SLC19A1: variants seen among roughly 807,000 people sequenced by gnomAD.
SLC19A1 encodes reduced folate transporter.
In SLC19A1, 37 loss-of-function variants were observed where a neutral mutation model predicts 35.3. That is an observed-to-expected ratio of 1.05 (90% CI 0.81 to 1.38). The LOEUF is 1.38. SLC19A1 is among the 40% of genes most tolerant of loss of function. The pLI, the probability that SLC19A1 is intolerant of heterozygous loss-of-function variation, is 0.00. For synonymous variants in SLC19A1, 460 were observed against 398.5 expected (o/e 1.15, Z -1.84); for missense variants, 831 against 826.9 (o/e 1.00, Z -0.06).
In SLC19A1 at chr21:45,534,600, G is replaced by A; in HGVS notation, c.190-2452C>T. The stretch of plus-strand genomic sequence containing the variant: ...CCAGGAGCTGGCTCTGCAGGCTGGG[G>A]CCTCATCAGGCACCTCCTGGTCTTA... On this transcript the variant is annotated intron_variant, in intron 2 of 5. Coordinates refer to ENST00000311124, the MANE Select transcript of SLC19A1 (RefSeq NM_194255.4). The surrounding 1 kb of genome is among the most constrained non-coding windows in gnomAD (Gnocchi z 4.2). The A allele has an allele frequency of 1.3e-6, 2 of 1,535,644 alleles. No homozygotes were observed. The highest frequency in any genetic ancestry group is 1.7e-6 in the Non-Finnish European group (2 of 1,146,832).
upstream of SLC19A1, among the ~76,000 whole-genome samples, chr21:45,549,326 G>T (rs1421104748): frequency 1.3e-5 from 2 of 152,126 alleles, no homozygotes; most frequent in Non-Finnish European, 2.9e-5. Context: ...GGTGCCTGTG[G>T]TGGAGGCTCG....
rs897577753 is a variant in SLC19A1 at position 45,517,212 on chromosome 21, A to G, written c.1294-1072T>C. ...GGCAGCAGGCTGGAAAAGACAACAGATGCAGAAAAAAGAGCCCATGGAAGC... is the reference window on the plus strand; with the variant it reads ...GGCAGCAGGCTGGAAAAGACAACAGGTGCAGAAAAAAGAGCCCATGGAAGC... On this transcript the variant is annotated intron_variant, in intron 5 of 5. Coordinates refer to ENST00000311124, the MANE Select transcript of SLC19A1 (RefSeq NM_194255.4). The surrounding 1 kb of genome is among the most constrained non-coding windows in gnomAD (Gnocchi z 4.4). 7.2e-5 allele frequency among the ~76,000 whole-genome samples: 11 copies of G among 152,216 alleles called. No homozygotes were observed. The highest frequency in any genetic ancestry group is 1.6e-4 in the Non-Finnish European group (11 of 68,030).
chr21:45,550,629 G>A (rs184339617), intron 1 of SLC19A1, among the ~76,000 whole-genome samples: 1 of 152,242 alleles, frequency 6.6e-6, no homozygotes, highest in African/African-American at 2.4e-5. Context: ...GCCCCGCCGG[G>A]AGGCTTGGCC....
rs554994460 is a variant in SLC19A1, at chr21:45,561,697, G to C, written c.-50+1045C>G. Among the ~76,000 whole-genome samples, 15 of 151,304 alleles carry C rather than the reference G, an allele frequency of 9.9e-5. No individual in the cohort carries two copies. The South Asian group carries it at 2.9e-3, about 30-fold the overall frequency. On this transcript the variant is annotated intron_variant, in intron 1 of 5. Coordinates refer to the SLC19A1 transcript ENST00000650808. ...AATTGCTTGAACCCAGGAGGCGGAG[G>C]TTGTAGTGAGCCAAGATCATGACAC...
At chr21:45,531,338 T>C (rs1397860688) in intron 3 of SLC19A1, 51 bp downstream of exon 3, 2 of 1,526,186 alleles carry the variant, frequency 1.3e-6, no homozygotes, top group African/African-American at 1.4e-5. Flanking sequence ...CAGGCGGAGG[T>C]GGACGGGAAG....
chr21:45,557,188 G>A (rs935680330), intron 1 of SLC19A1, among the ~76,000 whole-genome samples: 2 of 152,214 alleles, frequency 1.3e-5, no homozygotes, highest in African/African-American at 4.8e-5. Context: ...TGGGCCCTGG[G>A]GCTGCTGAAG....
In SLC19A1 at chr21:45,531,621, T is replaced by G. The variant is rs746798849; in HGVS notation, c.717A>C (p.Gly239=). Residue 239 remains glycine (G), a synonymous_variant, in exon 3 of 6, where the codon GGA becomes GGC. Transcript: ENST00000311124. ...CCCCACAGGCCACCCGCAGGGCGTGTCCCAGCTTCCCGCCTGGGCCAGGAT... is the reference window on the plus strand; with the variant it reads ...CCCCACAGGCCACCCGCAGGGCGTGGCCCAGCTTCCCGCCTGGGCCAGGAT... ...RMNPGPGGKL[G]HALRVACGDS... 3.1e-6 allele frequency: 5 copies of G among 1,612,160 alleles called. No individual in the cohort carries two copies. In the Admixed American group the frequency reaches 8.3e-5, roughly 27 times the overall value.
rs2078270141 is a variant in SLC19A1 at position 45,540,492 on chromosome 21, G to C, written c.-50+1876C>G. ...AGAACATTCCTTCCTTGGAGAGACAGCCAGAGTCTCCGCCAGCAAGGGGCT... is the reference window on the plus strand; with the variant it reads ...AGAACATTCCTTCCTTGGAGAGACACCCAGAGTCTCCGCCAGCAAGGGGCT... On this transcript the variant is annotated intron_variant, in intron 1 of 5. Coordinates refer to ENST00000311124, the MANE Select transcript of SLC19A1 (RefSeq NM_194255.4). This position sits in a 1 kb window ranked among gnomAD's most constrained non-coding sequence, Gnocchi z 5.5. Among the ~76,000 whole-genome samples, 1 of 152,196 alleles carries C rather than the reference G, an allele frequency of 6.6e-6. No individual in the cohort carries two copies. The highest frequency in any genetic ancestry group is 1.5e-5 in the Non-Finnish European group (1 of 68,030).
At position 45,530,148 on chromosome 21, in the gene SLC19A1, TTG is replaced by T. The variant is rs762451595; in HGVS notation, c.1151+620_1151+621del. 2.1e-5 allele frequency among the ~76,000 whole-genome samples: 3 copies of T among 146,056 alleles called. No individual in the cohort carries two copies. Among genetic ancestry groups the T allele is most frequent in the Non-Finnish European group, 4.5e-5 (3 of 66,192 alleles). On this transcript the variant is annotated intron_variant, in intron 4 of 5. Coordinates refer to ENST00000311124, the MANE Select transcript of SLC19A1 (RefSeq NM_194255.4). This position sits in a 1 kb window ranked among gnomAD's most constrained non-coding sequence, Gnocchi z 5.3. ...TGTGGTGTGTTCATGTGAGTGTGCA[TTG>T]TGTGTCCGTGTGTGTGTGGTGCGTC... is the stretch of plus-strand genomic sequence containing the variant.
rs1254738395 is a variant in SLC19A1 at position 45,514,974 on chromosome 21, G to C, written c.*684C>G. 2 of 1,497,058 alleles carry C rather than the reference G, an allele frequency of 1.3e-6. No homozygotes were observed. The highest frequency in any genetic ancestry group is 5.2e-5 in the East Asian group (2 of 38,562). 92.7% of individuals were successfully genotyped at this position (1,497,058 alleles called of 1,614,324 possible). A position where few individuals can be genotyped will look rare whatever the true frequency, so the allele number is the denominator to read the frequency against. On this transcript the variant is annotated 3_prime_UTR_variant, in exon 6 of 6. Coordinates refer to ENST00000311124, the MANE Select transcript of SLC19A1 (RefSeq NM_194255.4). ...GTGTGGGAGCAGCTGAGGACCCGCA[G>C]GTCAGGATGGACACACTTCAGAAGG...
Position 45,534,497 on chromosome 21 carries a change from T to C in SLC19A1, c.190-2349A>G. ...AGGCTCTCCCCAGACCCCACGGCTC[T>C]CTGGAAAAGGGCGGCCAGGGGTCCT... On this transcript the variant is annotated intron_variant, in intron 2 of 5. Transcript: ENST00000311124. The surrounding 1 kb of genome is among the most constrained non-coding windows in gnomAD (Gnocchi z 4.2). 1 of 1,464,680 alleles carries C rather than the reference T, an allele frequency of 6.8e-7. No homozygotes were observed. Among genetic ancestry groups the C allele is most frequent in the Non-Finnish European group, 9.2e-7 (1 of 1,082,220 alleles). 90.7% of individuals were successfully genotyped at this position (1,464,680 alleles called of 1,614,324 possible). A position where few individuals can be genotyped will look rare whatever the true frequency, so the allele number is the denominator to read the frequency against.
At position 45,534,701 on chromosome 21, in the gene SLC19A1, A is replaced by ACTACACCTCC; in HGVS notation, c.190-2554_190-2553insGGAGGTGTAG. The ACTACACCTCC allele has an allele frequency of 3.1e-6, 3 of 965,876 alleles. No individual in the cohort carries two copies. Among genetic ancestry groups the ACTACACCTCC allele is most frequent in the Non-Finnish European group, 4.7e-6 (3 of 637,698 alleles). The allele number at this position is 965,876 out of a possible 1,614,324, so 59.8% of individuals were successfully genotyped here. A position where few individuals can be genotyped will look rare whatever the true frequency, so the allele number is the denominator to read the frequency against. On this transcript the variant is annotated intron_variant, in intron 2 of 5. Coordinates refer to ENST00000311124, the MANE Select transcript of SLC19A1 (RefSeq NM_194255.4). The surrounding 1 kb of genome is among the most constrained non-coding windows in gnomAD (Gnocchi z 4.2). ...CCGCTCCTCTCCCTGCACCTCCTCAACGGCCCCTACTCCCTCTTCCTCAGC... is the reference window on the plus strand; with the variant it reads ...CCGCTCCTCTCCCTGCACCTCCTCAACTACACCTCCCGGCCCCTACTCCCTCTTCCTCAGC...
chr21:45,539,994 G>A (rs550246152), intron 1 of SLC19A1, among the ~76,000 whole-genome samples: 1 of 152,288 alleles, frequency 6.6e-6, no homozygotes, highest in Admixed American at 6.5e-5. Context: ...CCAGGCAGGA[G>A]GAAGCGCAGG....
At position 45,516,548 on chromosome 21, in the gene SLC19A1, A is replaced by T. The variant is rs561244164; in HGVS notation, c.1294-408T>A. On this transcript the variant is annotated intron_variant, in intron 5 of 5. Transcript: ENST00000311124. ...AGGGTGAGGAGAGCCACAGCAGGTGACCAGGAGCTGATCCCCAGGGCTTCG... is the reference window on the plus strand; with the variant it reads ...AGGGTGAGGAGAGCCACAGCAGGTGTCCAGGAGCTGATCCCCAGGGCTTCG... Among the ~76,000 whole-genome samples the T allele has an allele frequency of 6.8e-4, 104 of 152,336 alleles. No individual in the cohort carries two copies. In the Middle Eastern group the frequency reaches 0.014, roughly 20 times the overall value.
At chr21:45,505,444 G>A in intron 3 of SLC19A1, 1 of 1,471,248 alleles carries the variant, frequency 6.8e-7, no homozygotes, top group East Asian at 2.3e-5. Context: ...AAGTGTCTGG[G>A]CAGCCGGCTG....
chr21:45,544,585 T>C (rs935626714), upstream of SLC19A1, among the ~76,000 whole-genome samples: 7 of 152,150 alleles, frequency 4.6e-5, no homozygotes, highest in African/African-American at 1.4e-4. Context: ...TGTCAAATAG[T>C]TAAGTGCCTG....
downstream of SLC19A1, chr21:45,509,541 C>A: frequency 1.3e-6 from 2 of 1,538,506 alleles, no homozygotes; most frequent in Non-Finnish European, 1.7e-6. Context: ...CCTACGTGCA[C>A]CTGCGGCCGG....
chr21:45,507,311 C>T (rs554399774), intron 3 of SLC19A1: 3 of 567,824 alleles, frequency 5.3e-6, no homozygotes, highest in South Asian at 1.9e-5. Flanking sequence ...AGGGAGGGCA[C>T]CCTCCTGTGG....
chr21:45,531,744 G>C lies in SLC19A1; in HGVS notation c.594C>G (p.Val198=). The change falls in exon 3 of 6, where the codon GTC becomes GTG. Residue 198 remains valine (V), a synonymous_variant. Coordinates refer to ENST00000311124, the MANE Select transcript of SLC19A1 (RefSeq NM_194255.4). ...ISLAFLTFSV[V]LALFLKRPKR... is the part of the protein sequence containing the mutation. ...TGGGGCGCTTCAGGAAGAGGGCGAG[G>C]ACCACGCTGAAGGTGAGGAAGGCCA... 1 of 1,612,404 alleles carries C rather than the reference G, an allele frequency of 6.2e-7. No homozygotes were observed. The highest frequency in any genetic ancestry group is 2.2e-5 in the East Asian group (1 of 44,798).
Sources: gnomAD v4.1 joint callset for allele counts (sites outside exome capture counted in the v4.1 genomes callset) on GRCh38, gnomAD v4.1.1 for gene constraint, Gnocchi (gnomAD v3.1) non-coding constraint, MANE v1.5 for transcripts, NCBI Gene and HGNC (gene_info 2026-07-23, HGNC 2026-07-21) for gene names.